IL17REL: variants seen among roughly 807,000 people sequenced by gnomAD.
The protein encoded by IL17REL is interleukin 17 receptor E like.
In IL17REL, 36 loss-of-function variants were observed where a neutral mutation model predicts 49.0. The ratio of observed to expected loss-of-function variants is 0.73; its 90% CI spans 0.56 to 0.97. The LOEUF is 0.97. Ranked by LOEUF, IL17REL falls within the 50% of genes least tolerant of loss-of-function variation. IL17REL has a pLI of 0.00. For synonymous variants in IL17REL, 206 were observed against 192.4 expected (o/e 1.07, Z -0.58); for missense variants, 470 against 453.9 (o/e 1.04, Z -0.32).
chr22:50,000,374 C>G, intron 4 of IL17REL, 104 bp downstream of exon 5: 1 of 831,164 alleles, frequency 1.2e-6, no homozygotes. Context: ...TTGCGGGGAT[C>G]TGTCCAGTGT....
intron 11 of IL17REL, 84 bp downstream of exon 13, chr22:49,997,236 G>A (rs2061041072): frequency 3.4e-6 from 5 of 1,474,540 alleles, no homozygotes; most frequent in East Asian, 2.4e-5. Context: ...CCCGGGTGGG[G>A]CAGAGACCAC....
chr22:50,000,917 C>A (rs1178312740), intron 2 of IL17REL, 54 bp from the exon 4 acceptor site: 16 of 1,383,276 alleles, frequency 1.2e-5, no homozygotes, highest in Non-Finnish European at 1.6e-5. Context: ...GCCCCTGGCT[C>A]CGGACGGGGC....
At chr22:50,000,618 G>A (rs555443290) in intron 3 of IL17REL, 26 bp from the exon 5 acceptor site, 156 of 1,592,862 alleles carry the variant, frequency 9.8e-5, no homozygotes, top group Non-Finnish European at 1.2e-4. Flanking sequence ...TGTGAGCTGC[G>A]TGGACTCAGA....
chr22:49,993,575 G>A (rs1244209031), downstream of IL17REL, among the ~76,000 whole-genome samples: 1 of 152,204 alleles, frequency 6.6e-6, no homozygotes, highest in Non-Finnish European at 1.5e-5. The surrounding 1 kb of genome is among the most constrained non-coding windows in gnomAD (Gnocchi z 6.0). Context: ...GTGTCCTCCA[G>A]CAGGTTCCTC....
chr22:49,992,998 C>T (rs745326845), downstream of IL17REL, among the ~76,000 whole-genome samples: 5 of 152,218 alleles, frequency 3.3e-5, no homozygotes, highest in African/African-American at 7.2e-5. Flanking sequence ...GCACCAGCCA[C>T]GCCCCCTCGC....
chr22:49,997,659 T>C (rs371252604), intron 10 of IL17REL, 26 bp downstream of exon 12: 1 of 1,605,602 alleles, frequency 6.2e-7, no homozygotes, highest in Non-Finnish European at 8.5e-7. Context: ...TGCGTCCACA[T>C]TGCGTAGGCC....
At chr22:50,007,543 T>C (rs1040079145) in intron 1 of IL17REL, among the ~76,000 whole-genome samples, 9 of 151,018 alleles carry the variant, frequency 6.0e-5, no homozygotes, top group Non-Finnish European at 1.3e-4. Context: ...GTTAATTTTT[T>C]TGGGGGGGGG....
At chr22:49,997,229 G>A (rs976156863) in intron 11 of IL17REL, 91 bp downstream of exon 13, 40 of 1,449,100 alleles carry the variant, frequency 2.8e-5, no homozygotes, top group South Asian at 9.6e-5. Context: ...CTCAGGGCCC[G>A]GGTGGGGCAG....
At chr22:50,002,495 C>CTTTT (rs398040533) in intron 1 of IL17REL, among the ~76,000 whole-genome samples, 13 of 127,896 alleles carry the variant, frequency 1.0e-4, no homozygotes, top group Admixed American at 1.6e-4. Context: ...CTTTTCTTTT[C>CTTTT]TTTTTTTTTT....
chr22:50,001,049 G>T, intron 2 of IL17REL, 33 bp downstream of exon 3: 1 of 1,493,122 alleles, frequency 6.7e-7, no homozygotes. Context: ...GGACCTGCGG[G>T]TGTTAACTCC....
chr22:50,000,039 A>G (rs1411126711), intron 4 of IL17REL, 72 bp from the exon 7 acceptor site: 6 of 1,379,476 alleles, frequency 4.3e-6, no homozygotes, highest in African/African-American at 1.5e-5. Context: ...CTGTCCCGAG[A>G]GCCCCGACGT....
chr22:49,999,738 G>GA (rs772097622), intron 5 of IL17REL, 90 bp downstream of exon 7: 176,720 of 679,802 alleles, frequency 0.26, 51,782 homozygotes, highest in South Asian at 0.56. Context: ...GCGGGGCGCG[G>GA]GGTGGGCGGG....
exon 6 of IL17REL, chr22:49,999,446 C>T (rs373983547): frequency 4.3e-6 from 7 of 1,611,904 alleles, no homozygotes; most frequent in African/African-American, 4.0e-5. Flanking sequence ...GGCACAGGCA[C>T]GGCAGCTCCT....
chr22:49,996,826 TG>T (rs528874173), exon 13 of IL17REL: 3 of 538,720 alleles, frequency 5.6e-6, no homozygotes, highest in Admixed American at 3.7e-5. Context: ...GCAGAGCTGC[TG>T]GGGGACGGAG....
intron 8 of IL17REL, 30 bp from the exon 11 acceptor site, chr22:49,998,099 T>A: frequency 6.3e-7 from 1 of 1,591,716 alleles, no homozygotes; most frequent in East Asian, 2.2e-5. Flanking sequence ...GGCTGTGGCA[T>A]CCATGCCCAC....
chr22:49,997,768 G>A (rs1250212804), intron 9 of IL17REL, 26 bp from the exon 12 acceptor site: 4 of 1,612,408 alleles, frequency 2.5e-6, no homozygotes, highest in Admixed American at 1.7e-5. Flanking sequence ...AGGGGTGCAG[G>A]AGGGTGGAGT....
downstream of IL17REL, among the ~76,000 whole-genome samples, chr22:49,993,914 A>G (rs927560599): frequency 3.3e-5 from 5 of 152,020 alleles, no homozygotes; most frequent in Non-Finnish European, 5.9e-5. The surrounding 1 kb of genome is among the most constrained non-coding windows in gnomAD (Gnocchi z 6.0). Flanking sequence ...CTGAGCCGGG[A>G]CACTTGTTTT....
intron 2 of IL17REL, 77 bp from the exon 4 acceptor site, chr22:50,000,940 T>TTCCTCTGC: frequency 7.7e-7 from 1 of 1,293,434 alleles, no homozygotes. Context: ...TGGGACCCTG[T>TTCCTCTGC]TCCTCTGCCT....
chr22:50,000,783 C>A (rs771687117), exon 3 of IL17REL: 7 of 1,598,370 alleles, frequency 4.4e-6, no homozygotes, highest in Admixed American at 1.7e-5. Flanking sequence ...CGGTGGGAGG[C>A]CCTGGCCACC....
Sources: gnomAD v4.1 joint callset for allele counts (sites outside exome capture counted in the v4.1 genomes callset) on GRCh38, gnomAD v4.1.1 for gene constraint, Gnocchi (gnomAD v3.1) non-coding constraint, MANE v1.5 for transcripts, NCBI Gene and HGNC (gene_info 2026-07-23, HGNC 2026-07-21) for gene names.